Variants in NQO2 observed in about 807,000 individuals in gnomAD.
NQO2 encodes ribosyldihydronicotinamide dehydrogenase [quinone].
Under a neutral mutation model 22.0 loss-of-function variants are expected in NQO2, and 18 were observed. The ratio of observed to expected loss-of-function variants is 0.82; its 90% CI spans 0.56 to 1.21. The LOEUF (loss-of-function observed/expected upper bound fraction) is 1.21. Ranked by LOEUF, NQO2 falls within the 50% of genes most tolerant of loss-of-function variation. The probability of loss-of-function intolerance (pLI) is 0.00; values close to 1 mark genes in which losing one functional copy is unlikely to be tolerated. For synonymous variants in NQO2, 106 were observed against 110.8 expected (o/e 0.96, Z 0.28); for missense variants, 267 against 286.9 (o/e 0.93, Z 0.50).
Position 3,006,398 on chromosome 6 carries a change from G to A in NQO2, c.-85-70G>A, listed in dbSNP as rs1756950214. ...GTGTCTGTCAGGAAGCAGCAGTGAT[G>A]CCTAGATGTGGTACATTCGACCTCA... On this transcript the variant is annotated intron_variant, in intron 1 of 6. Coordinates refer to ENST00000380455, the MANE Select transcript of NQO2 (RefSeq NM_000904.6). The surrounding 1 kb of genome is among the most constrained non-coding windows in gnomAD (Gnocchi z 4.0). The A allele has an allele frequency of 1.4e-6, 2 of 1,468,114 alleles. No homozygotes were observed. Among genetic ancestry groups the A allele is most frequent in the African/African-American group, 2.9e-5 (2 of 69,538 alleles). 90.9% of individuals were successfully genotyped at this position (1,468,114 alleles called of 1,614,324 possible).
At chr6:3,009,886 CAG>C (rs1757085914) in intron 2 of NQO2, 137 bp from the exon 3 acceptor site, 21 of 1,405,354 alleles carry the variant, frequency 1.5e-5, no homozygotes, top group Non-Finnish European at 2.0e-5. Flanking sequence ...GAGAAAGAGA[CAG>C]AAAGAAAAGA....
chr6:3,012,826 C>T (rs1024410352), intron 4 of NQO2, 152 bp downstream of exon 4: 4 of 730,786 alleles, frequency 5.5e-6, no homozygotes, highest in African/African-American at 5.3e-5. Flanking sequence ...CTGGTTACAA[C>T]ACCTAGTTAC....
intron 1 of NQO2, among the ~76,000 whole-genome samples, chr6:3,001,757 C>T (rs548045464): frequency 1.2e-4 from 18 of 152,288 alleles, no homozygotes; most frequent in African/African-American, 3.6e-4. Flanking sequence ...TCAAAAATAT[C>T]AGAGCCCACT....
chr6:3,008,058 T>C, intron 2 of NQO2, among the ~76,000 whole-genome samples: 1 of 152,222 alleles, frequency 6.6e-6, no homozygotes, highest in Non-Finnish European at 1.5e-5. Context: ...TATTGTGATG[T>C]TGAGCTATGA....
At chr6:3,005,165 G>GC (rs1308380397) in intron 1 of NQO2, among the ~76,000 whole-genome samples, 1 of 152,166 alleles carries the variant, frequency 6.6e-6, no homozygotes, top group Admixed American at 6.5e-5. Flanking sequence ...CACTTGGGTT[G>GC]CTTCCATGTT....
chr6:3,004,623 T>C, intron 1 of NQO2: 1 of 985,490 alleles, frequency 1.0e-6, no homozygotes, highest in Non-Finnish European at 1.2e-6. Flanking sequence ...AAGATGCTCA[T>C]TCAGGCCCTG....
intron 3 of NQO2, 75 bp downstream of exon 3, chr6:3,010,264 G>C (rs1269423075): frequency 3.1e-6 from 4 of 1,308,582 alleles, no homozygotes; most frequent in Admixed American, 5.6e-5. Flanking sequence ...TTGACTTCCA[G>C]CTGCAAAATG....
Position 3,016,869 on chromosome 6 carries a change from C to T in NQO2, c.418-15C>T. The T allele has an allele frequency of 6.2e-7, 1 of 1,612,790 alleles. No homozygotes were observed. Among genetic ancestry groups the T allele is most frequent in the Non-Finnish European group, 8.5e-7 (1 of 1,179,856 alleles). ...TCTGGAGTCCACACAAATGCATCTGCTTTCTCCCTTGCAGGGTAAACTAGC... is the reference window on the plus strand; with the variant it reads ...TCTGGAGTCCACACAAATGCATCTGTTTTCTCCCTTGCAGGGTAAACTAGC... On this transcript the variant is annotated splice_polypyrimidine_tract_variant and intron_variant, in intron 5 of 6. Transcript: ENST00000380455.
chr6:3,001,939 G>A (rs1428018706), intron 1 of NQO2: 1 of 152,172 alleles, frequency 6.6e-6, no homozygotes, highest in Non-Finnish European at 1.5e-5. Flanking sequence ...GCCTGTGTTG[G>A]AGTCTTTCCC....
At chr6:3,012,973 T>TTTTTTTTTTTTTTTG (rs1757195389) in intron 4 of NQO2, among the ~76,000 whole-genome samples, 1 of 127,426 alleles carries the variant, frequency 7.8e-6, no homozygotes, top group Non-Finnish European at 1.6e-5. Context: ...TTTTTTTTTT[T>TTTTTTTTTTTTTTTG]GAGACGGAGT....
chr6:3,010,125 CGTCACAGT>C lies in NQO2; in HGVS notation c.112_119del (p.Thr38Ter). ...ATGAACTGAGCAGGCAGGGCTGCAC[CGTCACAGT>C]GTCTGATTTGTATGCCATGAACCTT... On this transcript the variant is annotated frameshift_variant, in exon 3 of 7. Coordinates refer to ENST00000380455, the MANE Select transcript of NQO2 (RefSeq NM_000904.6). LOFTEE classifies it high-confidence loss of function. 2 of 1,613,808 alleles carry C rather than the reference CGTCACAGT, an allele frequency of 1.2e-6. No homozygotes were observed. Among genetic ancestry groups the C allele is most frequent in the Non-Finnish European group, 1.7e-6 (2 of 1,179,860 alleles).
At chr6:3,010,679 T>C (rs1757109144) in intron 3 of NQO2, among the ~76,000 whole-genome samples, 1 of 152,166 alleles carries the variant, frequency 6.6e-6, no homozygotes, top group African/African-American at 2.4e-5. Context: ...GATGGGAATA[T>C]TGTCCCCAGC....
chr6:3,005,753 C>T (rs1756930580), intron 1 of NQO2: 1 of 985,302 alleles, frequency 1.0e-6, no homozygotes, highest in Non-Finnish European at 1.2e-6. Context: ...TTTTCCAGAG[C>T]CCCATTGTGT....
chr6:3,018,824 TA>T (rs1228962809), intron 6 of NQO2, among the ~76,000 whole-genome samples: 3 of 147,920 alleles, frequency 2.0e-5, no homozygotes. Flanking sequence ...TTCTTGCTTT[TA>T]AAAAAATCTT....
chr6:3,001,044 A>G (rs187631863), intron 1 of NQO2, among the ~76,000 whole-genome samples: 1 of 149,078 alleles, frequency 6.7e-6, no homozygotes, highest in Non-Finnish European at 1.5e-5. Flanking sequence ...GAGTTTCACC[A>G]TATTGGCCAG....
At chr6:3,011,601 C>T (rs187984911) in intron 3 of NQO2, among the ~76,000 whole-genome samples, 1 of 152,208 alleles carries the variant, frequency 6.6e-6, no homozygotes, top group Admixed American at 6.5e-5. Context: ...AGAGGAAGGT[C>T]ATAGAATAAA....
At chr6:3,007,654 T>TACTG (rs1341425290) in intron 2 of NQO2, among the ~76,000 whole-genome samples, 2 of 152,148 alleles carry the variant, frequency 1.3e-5, no homozygotes, top group Non-Finnish European at 2.9e-5. Context: ...ATGAGGAAAA[T>TACTG]ACTGCTTCAG....
At chr6:3,012,397 C>T (rs372792168) in intron 3 of NQO2, 147 bp from the exon 4 acceptor site, 53 of 1,448,488 alleles carry the variant, frequency 3.7e-5, no homozygotes, top group African/African-American at 1.8e-4. Context: ...TTCCCTAGCT[C>T]GGACCCAGGG....
chr6:3,002,173 T>TA, intron 1 of NQO2: 1 of 984,556 alleles, frequency 1.0e-6, no homozygotes, highest in Non-Finnish European at 1.2e-6. Flanking sequence ...ATGCCCTGTC[T>TA]AGAGGAGTGA....
Sources: gnomAD v4.1 joint callset for allele counts (sites outside exome capture counted in the v4.1 genomes callset) on GRCh38, gnomAD v4.1.1 for gene constraint, Gnocchi (gnomAD v3.1) non-coding constraint, MANE v1.5 for transcripts, NCBI Gene and HGNC (gene_info 2026-07-23, HGNC 2026-07-21) for gene names.